Variants in RCN2 observed in about 807,000 individuals in gnomAD.
RCN2 encodes reticulocalbin-2.
Under a neutral mutation model 37.5 loss-of-function variants are expected in RCN2, and 23 were observed. The observed-to-expected ratio is 0.61, with a 90% confidence interval of 0.44 to 0.87. The LOEUF is 0.87. Among genes scored for constraint, RCN2 ranks in the 40% least tolerant of loss-of-function variants. The pLI, the probability that RCN2 is intolerant of heterozygous loss-of-function variation, is 0.00. For synonymous variants in RCN2, 140 were observed against 144.6 expected (o/e 0.97, Z 0.23); for missense variants, 381 against 390.4 (o/e 0.98, Z 0.20).
intron 6 of RCN2, chr15:76,948,783 G>C (rs747991995): frequency 1.3e-5 from 7 of 525,554 alleles, no homozygotes; most frequent in Non-Finnish European, 2.3e-5. Context: ...ATAATAGTTT[G>C]TATTTACCTA....
intron 5 of RCN2, 142 bp downstream of exon 5, chr15:76,947,659 A>T: frequency 3.4e-6 from 2 of 596,530 alleles, no homozygotes; most frequent in Non-Finnish European, 5.8e-6. Context: ...TAACTGTAAT[A>T]CAAGTTCAAC....
At chr15:76,932,101 T>A in intron 1 of RCN2, 116 bp downstream of exon 1, 1 of 1,025,298 alleles carries the variant, frequency 9.8e-7, no homozygotes, top group Non-Finnish European at 1.3e-6. Context: ...GGCCTGACAA[T>A]GGGGGCCGGG....
chr15:76,939,800 TAC>T (rs1194168873), intron 3 of RCN2, among the ~76,000 whole-genome samples: 1 of 152,228 alleles, frequency 6.6e-6, no homozygotes, highest in East Asian at 1.9e-4. Context: ...TATTTTTTGT[TAC>T]TCAAAAGACT....
At chr15:76,940,067 T>C (rs1454334387) in intron 3 of RCN2, among the ~76,000 whole-genome samples, 1 of 152,176 alleles carries the variant, frequency 6.6e-6, no homozygotes, top group Non-Finnish European at 1.5e-5. Flanking sequence ...AAGGAATAGA[T>C]TGATCCCGAA....
At chr15:76,946,718 C>G (rs1370041682) in intron 4 of RCN2, among the ~76,000 whole-genome samples, 1 of 151,992 alleles carries the variant, frequency 6.6e-6, no homozygotes, top group Non-Finnish European at 1.5e-5. Flanking sequence ...TACCATTGTA[C>G]TCTAGCCTGG....
chr15:76,933,455 A>C (rs527871652), intron 2 of RCN2, among the ~76,000 whole-genome samples: 1 of 152,328 alleles, frequency 6.6e-6, no homozygotes, highest in African/African-American at 2.4e-5. Flanking sequence ...TTGGTCTCTG[A>C]TTATCCAATC....
rs1396183462 is a variant in RCN2, at chr15:76,954,003, G to A, written c.*4781G>A. 6.8e-6 allele frequency: 1 copy of A among 146,076 alleles called. No individual in the cohort carries two copies. Among genetic ancestry groups the A allele is most frequent in the Non-Finnish European group, 1.5e-5 (1 of 66,904 alleles). The allele number at this position is 146,076 out of a possible 1,614,324, so 9.0% of individuals were successfully genotyped here. A position where few individuals can be genotyped will look rare whatever the true frequency, so the allele number is the denominator to read the frequency against. On this transcript the variant is annotated 3_prime_UTR_variant, in exon 7 of 7. Coordinates refer to ENST00000394885, the MANE Select transcript of RCN2 (RefSeq NM_002902.3). ...CCACCAATAGTGCACAAGAGTTCCA[G>A]TTTCTTTACATCCTTACCAACACTT... is the stretch of plus-strand genomic sequence containing the variant.
intron 2 of RCN2, among the ~76,000 whole-genome samples, chr15:76,934,149 G>T (rs578208988): frequency 0.031 from 4,443 of 144,638 alleles, 90 homozygotes; most frequent in Non-Finnish European, 0.048. Context: ...ATAGTTTTTT[G>T]TTTTTTTTTT....
chr15:76,947,854 G>C (rs1415511024), intron 5 of RCN2: 1 of 232,976 alleles, frequency 4.3e-6, no homozygotes, highest in Non-Finnish European at 8.2e-6. Flanking sequence ...AAAAGAGATA[G>C]AAACATAAAA....
At chr15:76,932,115 C>T in intron 1 of RCN2, 130 bp downstream of exon 1, 2 of 905,688 alleles carry the variant, frequency 2.2e-6, no homozygotes, top group Non-Finnish European at 3.0e-6. Flanking sequence ...GGCCGGGCGG[C>T]GCGGCACTCG....
intron 3 of RCN2, chr15:76,938,622 A>G: frequency 2.4e-6 from 1 of 422,394 alleles, no homozygotes; most frequent in Non-Finnish European, 5.0e-6. Flanking sequence ...CCTCCTTGGT[A>G]AATGCTTTCT....
Position 76,931,833 on chromosome 15 carries a change from G to C in RCN2, c.-9G>C. The C allele has an allele frequency of 8.1e-7, 1 of 1,228,628 alleles. No individual in the cohort carries two copies. The highest frequency in any genetic ancestry group is 1.0e-6 in the Non-Finnish European group (1 of 988,304). 76.1% of individuals were successfully genotyped at this position (1,228,628 alleles called of 1,614,324 possible). A position where few individuals can be genotyped will look rare whatever the true frequency, so the allele number is the denominator to read the frequency against. ...TCGCGTCCCTCGGTGTCCTCCGCGG[G>C]CCGGCGCGATGCGGCTGGGCCCGAG... On this transcript the variant is annotated 5_prime_UTR_variant, in exon 1 of 7. Coordinates refer to ENST00000394885, the MANE Select transcript of RCN2 (RefSeq NM_002902.3).
chr15:76,933,967 C>T (rs2075236162), intron 2 of RCN2, among the ~76,000 whole-genome samples: 1 of 152,108 alleles, frequency 6.6e-6, no homozygotes. Flanking sequence ...TTTTCTGAAC[C>T]TCAGTTTCCT....
Position 76,949,298 on chromosome 15 carries a change from G to C in RCN2, c.*76G>C. On this transcript the variant is annotated 3_prime_UTR_variant, in exon 7 of 7. Transcript: ENST00000394885. ...AGCTTTACTTTTGTGATAAAATATT[G>C]ATGTTGTATTTTACACTCTTAAGTC... 1 of 1,026,962 alleles carries C rather than the reference G, an allele frequency of 9.7e-7. No homozygotes were observed. Among genetic ancestry groups the C allele is most frequent in the Non-Finnish European group, 1.4e-6 (1 of 738,730 alleles). 63.6% of individuals were successfully genotyped at this position (1,026,962 alleles called of 1,614,324 possible).
Position 76,947,521 on chromosome 15 carries a change from A to G in RCN2, c.658+4A>G. On this transcript the variant is annotated splice_donor_region_variant and intron_variant, in intron 5 of 6. Coordinates refer to ENST00000394885, the MANE Select transcript of RCN2 (RefSeq NM_002902.3). ...GGTGATTACAGGTGGGATCCAAGTA[A>G]GTCACCTGGGAGAATGTGAAAAGAG... 6.5e-7 allele frequency: 1 copy of G among 1,543,620 alleles called. No individual in the cohort carries two copies. Among genetic ancestry groups the G allele is most frequent in the Non-Finnish European group, 8.9e-7 (1 of 1,121,942 alleles).
rs368019817 is a variant in RCN2 at position 76,932,390 on chromosome 15, C to T, written c.174C>T (p.Gly58=). The T allele has an allele frequency of 6.2e-7, 1 of 1,613,732 alleles. No individual in the cohort carries two copies. The highest frequency in any genetic ancestry group is 1.7e-5 in the Admixed American group (1 of 60,006). ...ATGTGGATGAATATGTTAAACTCGG[C>T]CACGAAGAGCAGCAAAAAAGACTGC... ...QEDVDEYVKL[G]HEEQQKRLQA... Residue 58 remains glycine (G), a synonymous_variant, in exon 2 of 7, where the codon GGC becomes GGT. Coordinates refer to ENST00000394885, the MANE Select transcript of RCN2 (RefSeq NM_002902.3).
In RCN2 at chr15:76,932,216, G is replaced by A. The variant is rs138940142; in HGVS notation, c.145-145G>A. The A allele has an allele frequency of 1.1e-3, 799 of 736,510 alleles. 12 individuals carry two copies. The East Asian group carries it at 0.016, about 15-fold the overall frequency. The allele number at this position is 736,510 out of a possible 1,614,324, so 45.6% of individuals were successfully genotyped here. ...CTACCCCTCAGATCATGGAGGGTGT[G>A]TAGGGGGTAGGGGCCTTGAAGTGCA... On this transcript the variant is annotated intron_variant, in intron 1 of 6. Coordinates refer to ENST00000394885, the MANE Select transcript of RCN2 (RefSeq NM_002902.3).
chr15:76,940,301 TAA>T (rs529669490), intron 3 of RCN2, among the ~76,000 whole-genome samples: 1 of 144,614 alleles, frequency 6.9e-6, no homozygotes, highest in African/African-American at 2.5e-5. Flanking sequence ...CTTGTCCCTT[TAA>T]AAAAAAAAAA....
At chr15:76,935,439 T>C in intron 2 of RCN2, 87 bp from the exon 3 acceptor site, 1 of 963,972 alleles carries the variant, frequency 1.0e-6, no homozygotes, top group Non-Finnish European at 1.6e-6. Context: ...ATCAAAGATT[T>C]TGCCTTTTCA....
Sources: gnomAD v4.1 joint callset for allele counts (sites outside exome capture counted in the v4.1 genomes callset) on GRCh38, gnomAD v4.1.1 for gene constraint, MANE v1.5 for transcripts, NCBI Gene and HGNC (gene_info 2026-07-23, HGNC 2026-07-21) for gene names.